The following SLURP2 variants were observed in gnomAD, a reference collection of about 807,000 sequenced individuals.
SLURP2 encodes the protein secreted LY6/PLAUR domain containing 2, also known as secreted Ly-6/uPAR domain-containing protein 2.
In SLURP2, 4 loss-of-function variants were observed where a neutral mutation model predicts 9.8. That is an observed-to-expected ratio of 0.41 (90% CI 0.20 to 0.94). The LOEUF (loss-of-function observed/expected upper bound fraction) is 0.94, where lower values mean the gene tolerates loss of function less well. SLURP2 is among the 40% of genes least tolerant of loss of function. The pLI is 0.32. For missense variants in SLURP2, 118 were observed against 126.4 expected, an observed-to-expected ratio of 0.93 and a Z score of 0.32; for synonymous variants, 58 against 56.2, an observed-to-expected ratio of 1.03 and a Z score of -0.15.
In SLURP2 at chr8:142,769,816, G is replaced by T; in HGVS notation, c.-10C>A. On this transcript the variant is annotated 5_prime_UTR_variant, in exon 1 of 3. Transcript: ENST00000317543. ...CAGTGCCGAGCTGCATGTTCTCCTGGTGAGGTCGGGCTGTCGGCGCCCTGG... is the reference window on the plus strand; with the variant it reads ...CAGTGCCGAGCTGCATGTTCTCCTGTTGAGGTCGGGCTGTCGGCGCCCTGG... The T allele has an allele frequency of 6.3e-7, 1 of 1,589,064 alleles. No individual in the cohort carries two copies. Among genetic ancestry groups the T allele is most frequent in the Non-Finnish European group, 8.5e-7 (1 of 1,170,282 alleles).
rs117409138 is a variant in SLURP2, at chr8:142,768,364, G to A, written c.52+1391C>T. ...TGGCTCTGAAGCAGGCTGGCCCCTCGGGGAGATTGTGCTGTCCATGTATGG... is the reference window on the plus strand; with the variant it reads ...TGGCTCTGAAGCAGGCTGGCCCCTCAGGGAGATTGTGCTGTCCATGTATGG... On this transcript the variant is annotated intron_variant, in intron 1 of 2. Transcript: ENST00000317543. This position sits in a 1 kb window ranked among gnomAD's most constrained non-coding sequence, Gnocchi z 4.8. Among the ~76,000 whole-genome samples, 3,381 of 152,162 alleles carry A rather than the reference G, an allele frequency of 0.022. 59 individuals carry two copies. Among genetic ancestry groups the A allele is most frequent in the Middle Eastern group, 0.095 (28 of 294 alleles).
At chr8:142,764,778 G>C in intron 2 of SLURP2, 37 bp from the exon 3 acceptor site, 3 of 1,608,832 alleles carry the variant, frequency 1.9e-6, no homozygotes, top group Non-Finnish European at 2.5e-6. Context: ...AGCTCCCTGA[G>C]GCTCTGGTTT....
chr8:142,769,021 G>T lies in SLURP2; in HGVS notation c.52+734C>A, dbSNP rs1046769742. ...GCAGATCAAGGGGCCAGCTGGTTTT[G>T]TTGAGGCCTCAGGGTGGGGGTGGAG... is the stretch of plus-strand genomic sequence containing the variant. On this transcript the variant is annotated intron_variant, in intron 1 of 2. Coordinates refer to ENST00000317543, the MANE Select transcript of SLURP2 (RefSeq NM_177458.3). Among the ~76,000 whole-genome samples the T allele has an allele frequency of 5.9e-5, 9 of 152,176 alleles. No homozygotes were observed. In the East Asian group the frequency reaches 1.4e-3, roughly 23 times the overall value.
chr8:142,769,486 C>G (rs904580892), intron 1 of SLURP2, among the ~76,000 whole-genome samples: 1 of 126,980 alleles, frequency 7.9e-6, no homozygotes, highest in Non-Finnish European at 1.6e-5. Context: ...CTGGAGAGGT[C>G]TGGGGGCTGG....
intron 1 of SLURP2, among the ~76,000 whole-genome samples, chr8:142,766,642 C>T (rs1321162960): frequency 6.6e-6 from 1 of 152,206 alleles, no homozygotes; most frequent in Admixed American, 6.5e-5. Context: ...CTGCTCTCTG[C>T]CCCTCTTCAT....
intron 1 of SLURP2, among the ~76,000 whole-genome samples, chr8:142,765,631 G>A (rs1009958853): frequency 6.6e-6 from 1 of 152,190 alleles, no homozygotes; most frequent in Non-Finnish European, 1.5e-5. Context: ...GGGCAAGGGC[G>A]ACCAGGATGT....
In SLURP2 at chr8:142,768,868, G is replaced by A. The variant is rs1034057261; in HGVS notation, c.52+887C>T. 3.3e-5 allele frequency among the ~76,000 whole-genome samples: 5 copies of A among 152,230 alleles called. No homozygotes were observed. The highest frequency in any genetic ancestry group is 2.0e-4 in the Admixed American group (3 of 15,304). ...GAGCCAGCGCCAGGGACTCACCGAC[G>A]CTCCACCCCCTGCTCATTCAGGGCC... On this transcript the variant is annotated intron_variant, in intron 1 of 2. Transcript: ENST00000317543. The surrounding 1 kb of genome is among the most constrained non-coding windows in gnomAD (Gnocchi z 4.8).
rs371516279 is a variant in SLURP2, at chr8:142,764,558, G to A, written c.*47C>T. 4 of 1,583,880 alleles carry A rather than the reference G, an allele frequency of 2.5e-6. No individual in the cohort carries two copies. Among genetic ancestry groups the A allele is most frequent in the African/African-American group, 2.7e-5 (2 of 73,326 alleles). On this transcript the variant is annotated 3_prime_UTR_variant, in exon 3 of 3. Coordinates refer to ENST00000317543, the MANE Select transcript of SLURP2 (RefSeq NM_177458.3). ...GCTGTGAGCCCTGGCGCCAGGCTGT[G>A]GGGGCTGTGGGGGCTGAGCGTCCGG...
In SLURP2 at chr8:142,764,656, G is replaced by A. The variant is rs771644654; in HGVS notation, c.243C>T (p.Gly81=). The A allele has an allele frequency of 1.2e-6, 2 of 1,610,622 alleles. No individual in the cohort carries two copies. The highest frequency in any genetic ancestry group is 1.7e-5 in the Admixed American group (1 of 58,756). Reference sequence around the variant, plus strand: ...GGCAGCAAGCGATGGATACGTAGGGGCCCAGGCCCAGGCTGGGGATATCGG... The same window carrying A: ...GGCAGCAAGCGATGGATACGTAGGGACCCAGGCCCAGGCTGGGGATATCGG... The part of the protein sequence containing the change: ...GCPDIPSLGL[G]PYVSIACCQT... The change falls in exon 3 of 3, where the codon GGC becomes GGT. Residue 81 remains glycine, a synonymous_variant. Transcript: ENST00000317543.
rs763851975 is a variant in SLURP2, at chr8:142,769,763, A to T, written c.44T>A (p.Leu15Gln). The T allele has an allele frequency of 6.2e-7, 1 of 1,603,208 alleles. No homozygotes were observed. The highest frequency in any genetic ancestry group is 1.1e-5 in the South Asian group (1 of 88,928). Residue 15 changes from leucine (L) to glutamine (Q), a missense_variant, in exon 1 of 3, where the codon CTG becomes CAG. Transcript: ENST00000317543. ...TGLLLAAVLS[L>Q]QLAAAEAIWC... The stretch of plus-strand genomic sequence containing the variant: ...CCAGCCCCTGGACTCACCCAGCTGC[A>T]GGCTCAGGACGGCGGCCAGCAGGAG...
chr8:142,764,668 G>C lies in SLURP2; in HGVS notation c.231C>G (p.Ser77Arg), dbSNP rs760437537. ...MCHIGCPDIP[S>R]LGLGPYVSIA... Reference sequence around the variant, plus strand: ...TGGATACGTAGGGGCCCAGGCCCAGGCTGGGGATATCGGGGCAGCCTATGT... The same window carrying C: ...TGGATACGTAGGGGCCCAGGCCCAGCCTGGGGATATCGGGGCAGCCTATGT... Residue 77 changes from serine (S) to arginine (R), a missense_variant, in exon 3 of 3, where the codon AGC becomes AGG. By Grantham distance (110) the Ser-to-Arg change is moderately radical. Coordinates refer to ENST00000317543, the MANE Select transcript of SLURP2 (RefSeq NM_177458.3). The C allele has an allele frequency of 6.2e-7, 1 of 1,611,982 alleles. No individual in the cohort carries two copies. Among genetic ancestry groups the C allele is most frequent in the Non-Finnish European group, 8.5e-7 (1 of 1,179,310 alleles).
intron 1 of SLURP2, among the ~76,000 whole-genome samples, chr8:142,766,681 G>A (rs1021870834): frequency 9.2e-5 from 14 of 152,224 alleles, no homozygotes; most frequent in African/African-American, 2.4e-4. Context: ...CTCCCTGGCC[G>A]CCTCCATCCA....
Position 142,764,413 on chromosome 8 carries a change from A to G in SLURP2, c.*192T>C. On this transcript the variant is annotated 3_prime_UTR_variant, in exon 3 of 3. Coordinates refer to ENST00000317543, the MANE Select transcript of SLURP2 (RefSeq NM_177458.3). ...AGGGGCGGCAGGCACGATGGGCCCC[A>G]GGCTTGGACGGCAGCAGATTGAGGC... 1.4e-6 allele frequency: 1 copy of G among 699,916 alleles called. No homozygotes were observed. Among genetic ancestry groups the G allele is most frequent in the Non-Finnish European group, 2.5e-6 (1 of 397,096 alleles). 43.4% of individuals were successfully genotyped at this position (699,916 alleles called of 1,614,324 possible).
At chr8:142,767,787 C>T (rs985664264) in intron 1 of SLURP2, among the ~76,000 whole-genome samples, 2 of 152,096 alleles carry the variant, frequency 1.3e-5, no homozygotes, top group East Asian at 1.9e-4. Flanking sequence ...TCCTTCCTCA[C>T]CCCCACCCAA....
At chr8:142,769,544 T>C (rs1298815701) in intron 1 of SLURP2, among the ~76,000 whole-genome samples, 5 of 64,824 alleles carry the variant, frequency 7.7e-5, no homozygotes, top group Non-Finnish European at 1.4e-4. Context: ...TCCTGAGAAG[T>C]GTGGGGGCCA....
chr8:142,767,900 A>AAATGAATG (rs60268524), intron 1 of SLURP2, among the ~76,000 whole-genome samples: 1,636 of 140,738 alleles, frequency 0.012, 12 homozygotes, highest in Middle Eastern at 0.022. Flanking sequence ...ATGAATGAAT[A>AAATGAATG]AATGAATGAA....
chr8:142,769,790 C>A lies in SLURP2; in HGVS notation c.17G>T (p.Gly6Val). ...GCTCAGGACGGCGGCCAGCAGGAGC[C>A]CAGTGCCGAGCTGCATGTTCTCCTG... Reference protein sequence around the residue: MQLGTGLLLAAVLSLQ... With the variant: MQLGTVLLLAAVLSLQ... Residue 6 changes from glycine to valine, a missense_variant, in exon 1 of 3, where the codon GGG becomes GTG. Physicochemically the swap from Gly to Val is moderately radical, Grantham distance 109. Transcript: ENST00000317543. 6.3e-7 allele frequency: 1 copy of A among 1,599,060 alleles called. No individual in the cohort carries two copies. The highest frequency in any genetic ancestry group is 1.1e-5 in the South Asian group (1 of 88,402).
intron 1 of SLURP2, 142 bp from the exon 2 acceptor site, chr8:142,765,282 C>T: frequency 1.5e-6 from 1 of 654,568 alleles, no homozygotes; most frequent in East Asian, 2.9e-5. Flanking sequence ...TGATCCAGCC[C>T]TCTCAGGAGC....
chr8:142,769,809 TC>T lies in SLURP2; in HGVS notation c.-4del, dbSNP rs1815121441. 6.3e-7 allele frequency: 1 copy of T among 1,594,280 alleles called. No individual in the cohort carries two copies. Among genetic ancestry groups the T allele is most frequent in the African/African-American group, 1.3e-5 (1 of 74,768 alleles). ...AGGAGCCCAGTGCCGAGCTGCATGT[TC>T]TCCTGGTGAGGTCGGGCTGTCGGCG... On this transcript the variant is annotated 5_prime_UTR_variant, in exon 1 of 3. Coordinates refer to ENST00000317543, the MANE Select transcript of SLURP2 (RefSeq NM_177458.3).
Sources: gnomAD v4.1 joint callset for allele counts (sites outside exome capture counted in the v4.1 genomes callset) on GRCh38, gnomAD v4.1.1 for gene constraint, Gnocchi (gnomAD v3.1) non-coding constraint, MANE v1.5 for transcripts, NCBI Gene and HGNC (gene_info 2026-07-23, HGNC 2026-07-21) for gene names.